The following ERBIN variants were observed in gnomAD, a reference collection of about 807,000 sequenced individuals.
The protein encoded by ERBIN is densin-180-like protein.
A neutral mutation model predicts 158.4 loss-of-function variants in ERBIN; 60 were observed. That is an observed-to-expected ratio of 0.38 (90% CI 0.31 to 0.47). The LOEUF (loss-of-function observed/expected upper bound fraction) is 0.47. ERBIN is among the 20% of genes least tolerant of loss of function. The pLI is 0.99. For synonymous variants in ERBIN, 594 were observed against 557.2 expected (o/e 1.07, Z -0.93); for missense variants, 1,610 against 1,648.0 (o/e 0.98, Z 0.40).
intron 1 of ERBIN, among the ~76,000 whole-genome samples, chr5:65,949,074 T>G (rs1010526457): frequency 2.1e-4 from 32 of 152,152 alleles, no homozygotes; most frequent in Admixed American, 9.2e-4. Context: ...ATGTTTTGCT[T>G]CTTGATGCAA....
intron 1 of ERBIN, among the ~76,000 whole-genome samples, chr5:65,943,336 G>T (rs988839677): frequency 6.6e-6 from 1 of 152,178 alleles, no homozygotes; most frequent in Admixed American, 6.5e-5. Flanking sequence ...CAGCATATGT[G>T]GGAATAATGT....
At chr5:66,063,635 G>T (rs186772858) in intron 21 of ERBIN, among the ~76,000 whole-genome samples, 2 of 152,282 alleles carry the variant, frequency 1.3e-5, no homozygotes, top group Non-Finnish European at 2.9e-5. Context: ...CGTCGCTCAC[G>T]CTGGGAGCTG....
At chr5:66,064,942 C>G (rs1351430638) in intron 21 of ERBIN, among the ~76,000 whole-genome samples, 1 of 152,146 alleles carries the variant, frequency 6.6e-6, no homozygotes, top group Non-Finnish European at 1.5e-5. Context: ...TCAAGCAATC[C>G]TCTTGCTTCA....
At chr5:65,943,967 CAT>C (rs1458398225) in intron 1 of ERBIN, among the ~76,000 whole-genome samples, 1 of 152,176 alleles carries the variant, frequency 6.6e-6, no homozygotes, top group East Asian at 1.9e-4. Context: ...TGTGTTTCAG[CAT>C]ATGTCAGAAT....
At chr5:65,987,085 A>G (rs919806354) in intron 1 of ERBIN, among the ~76,000 whole-genome samples, 2 of 152,132 alleles carry the variant, frequency 1.3e-5, no homozygotes, top group Non-Finnish European at 2.9e-5. Context: ...CAGGAAAGCA[A>G]ATGTTTTTCC....
chr5:66,025,384 T>C (rs1283675031), intron 10 of ERBIN, 96 bp from the exon 11 acceptor site: 3 of 905,000 alleles, frequency 3.3e-6, no homozygotes, highest in Admixed American at 3.7e-5. Flanking sequence ...AAGTTGTTTC[T>C]AATTCTTGTC....
chr5:65,966,801 G>T (rs912898917), intron 1 of ERBIN, among the ~76,000 whole-genome samples: 2 of 150,634 alleles, frequency 1.3e-5, no homozygotes, highest in Non-Finnish European at 3.0e-5. Flanking sequence ...CGGTTGTGTT[G>T]TTGCCCCTGA....
chr5:66,056,643 T>C (rs1759611156), intron 21 of ERBIN, among the ~76,000 whole-genome samples: 1 of 152,064 alleles, frequency 6.6e-6, no homozygotes, highest in South Asian at 2.1e-4. Context: ...CACTAGTAAT[T>C]TAGAGGTGTG....
At chr5:65,964,500 A>G (rs1003760456) in intron 1 of ERBIN, among the ~76,000 whole-genome samples, 6 of 152,244 alleles carry the variant, frequency 3.9e-5, no homozygotes, top group African/African-American at 1.4e-4. Flanking sequence ...TAATTCTGAT[A>G]TACTCATTTG....
chr5:65,933,142 CTG>C (rs1440927910), intron 1 of ERBIN, among the ~76,000 whole-genome samples: 1 of 152,204 alleles, frequency 6.6e-6, no homozygotes, highest in Non-Finnish European at 1.5e-5. Context: ...CCTTTAATCT[CTG>C]AGATGTTCTT....
intron 4 of ERBIN, among the ~76,000 whole-genome samples, chr5:66,004,375 TGTGCGTGTGTGTGTGCGCGCGC>T (rs1286677753): frequency 6.6e-6 from 1 of 151,136 alleles, no homozygotes; most frequent in African/African-American, 2.5e-5. Flanking sequence ...TCAGTCTGTG[TGTGCGTGTGTGTGTGCGCGCGC>T]GTGCGTGTGT....
chr5:65,998,250 A>G (rs1752657502), intron 4 of ERBIN, among the ~76,000 whole-genome samples: 1 of 149,078 alleles, frequency 6.7e-6, no homozygotes, highest in Non-Finnish European at 1.5e-5. Context: ...ATATAGATAT[A>G]TATATATATT....
At chr5:66,034,329 G>T (rs1260400773) in intron 14 of ERBIN, among the ~76,000 whole-genome samples, 2 of 151,022 alleles carry the variant, frequency 1.3e-5, no homozygotes, top group Non-Finnish European at 2.9e-5. Flanking sequence ...TCACTCTGTC[G>T]CCCAGGCTGG....
chr5:65,993,848 TAAA>T (rs1398175245), intron 3 of ERBIN, among the ~76,000 whole-genome samples: 1 of 152,206 alleles, frequency 6.6e-6, no homozygotes, highest in Admixed American at 6.5e-5. Flanking sequence ...ATACTTGTAC[TAAA>T]AAATTATTTG....
chr5:66,066,568 A>G (rs11957458), intron 21 of ERBIN, among the ~76,000 whole-genome samples: 3,184 of 152,156 alleles, frequency 0.021, 117 homozygotes, highest in African/African-American at 0.071. Flanking sequence ...TCAAAGATAC[A>G]AAGTAGATGT....
At chr5:66,076,043 C>G in intron 23 of ERBIN, 1 of 358,976 alleles carries the variant, frequency 2.8e-6, no homozygotes, top group Non-Finnish European at 5.0e-6. Context: ...AAAAGTAAAA[C>G]AGGGTCAATA....
intron 14 of ERBIN, among the ~76,000 whole-genome samples, chr5:66,036,481 C>G (rs1292957359): frequency 6.6e-6 from 1 of 152,154 alleles, no homozygotes; most frequent in African/African-American, 2.4e-5. Flanking sequence ...CTTATCCTCA[C>G]CTTAGACTTT....
intron 1 of ERBIN, among the ~76,000 whole-genome samples, chr5:65,958,319 G>A (rs1747491023): frequency 1.3e-5 from 2 of 152,324 alleles, no homozygotes; most frequent in African/African-American, 4.8e-5. Context: ...CTGCACTCCA[G>A]CCTGGGCAAC....
At chr5:66,043,279 G>T in intron 16 of ERBIN, 81 bp downstream of exon 16, 3 of 1,366,822 alleles carry the variant, frequency 2.2e-6, no homozygotes, top group East Asian at 2.4e-5. Context: ...ATGATGTCTG[G>T]GGATATAACA....
Sources: gnomAD v4.1 joint callset for allele counts (sites outside exome capture counted in the v4.1 genomes callset) on GRCh38, gnomAD v4.1.1 for gene constraint, MANE v1.5 for transcripts, NCBI Gene and HGNC (gene_info 2026-07-23, HGNC 2026-07-21) for gene names.